The following HBP1 variants were observed in gnomAD, a reference collection of about 807,000 sequenced individuals.
The protein encoded by HBP1 is HMG box-containing protein 1.
HBP1 carries 20 observed loss-of-function variants against 62.6 expected under a neutral mutation model. The observed-to-expected ratio is 0.32, with a 90% CI of 0.22 to 0.46. HBP1 has a LOEUF of 0.46. Among genes scored for constraint, HBP1 ranks in the 20% least tolerant of loss-of-function variants. HBP1 has a pLI of 1.00. For synonymous variants in HBP1, 232 were observed against 206.2 expected (o/e 1.12, Z -1.07); for missense variants, 480 against 611.8 (o/e 0.78, Z 2.27).
At chr7:107,169,903 G>A (rs1796473182) in intron 1 of HBP1, 4 of 985,548 alleles carry the variant, frequency 4.1e-6, no homozygotes, top group Non-Finnish European at 3.6e-6. Context: ...GACCCAAAGA[G>A]GAGGCTTGGC....
In HBP1 at chr7:107,185,933, A is replaced by G. The variant is rs768796359; in HGVS notation, c.531A>G (p.Arg177=). The G allele has an allele frequency of 6.2e-7, 1 of 1,612,644 alleles. No homozygotes were observed. Among genetic ancestry groups the G allele is most frequent in the Non-Finnish European group, 8.5e-7 (1 of 1,178,768 alleles). The change falls in exon 4 of 11, where the codon AGA becomes AGG. Residue 177 remains arginine (R), a synonymous_variant. Coordinates refer to ENST00000222574, the MANE Select transcript of HBP1 (RefSeq NM_012257.4). ...HHHWKEETPV[R]HERANSESES... Reference sequence around the variant, plus strand: ...ATTGGAAGGAGGAAACACCAGTAAGACACGAAAGGGTAAGTTTATTTATGA... The same window carrying G: ...ATTGGAAGGAGGAAACACCAGTAAGGCACGAAAGGGTAAGTTTATTTATGA...
intron 4 of HBP1, 81 bp downstream of exon 4, chr7:107,186,023 C>T (rs1797344117): frequency 1.5e-5 from 15 of 1,031,550 alleles, no homozygotes; most frequent in South Asian, 5.5e-5. Flanking sequence ...AGGAAGTAGT[C>T]TCACTGTTCT....
intron 6 of HBP1, among the ~76,000 whole-genome samples, chr7:107,188,947 T>C (rs1428405587): frequency 2.6e-5 from 4 of 152,202 alleles, no homozygotes; most frequent in South Asian, 2.1e-4. Context: ...CCCAAAGTTA[T>C]TGTTAATTAC....
rs200236873 is a variant in HBP1, at chr7:107,195,890, G to A, written c.1124G>A (p.Arg375His). 1.9e-6 allele frequency: 3 copies of A among 1,600,516 alleles called. No individual in the cohort carries two copies. Among genetic ancestry groups the A allele is most frequent in the African/African-American group, 1.3e-5 (1 of 74,338 alleles). The change falls in exon 9 of 11, where the codon CGC (arginine) becomes CAC (histidine). Residue 375 changes from arginine (R) to histidine (H), a missense_variant. By Grantham distance (29) the Arg-to-His change is conservative. This residue lies in a region of HBP1 where 58 missense variants were observed against 128.5 expected (regional missense o/e 0.45). Coordinates refer to ENST00000222574, the MANE Select transcript of HBP1 (RefSeq NM_012257.4). ...GTTTATGTGTTAAGTAGTATGGCTC[G>A]CCAGCGTCGTGCATCTTTGTCTTGT... ...SAVYVLSSMA[R>H]QRRASLSCGG...
intron 2 of HBP1, among the ~76,000 whole-genome samples, chr7:107,180,852 C>T (rs1007592592): frequency 5.3e-5 from 8 of 152,062 alleles, no homozygotes; most frequent in African/African-American, 1.9e-4. Context: ...GCAAGGAGTG[C>T]CATTTTAATC....
Position 107,190,274 on chromosome 7 carries a change from G to A in HBP1, c.1024G>A (p.Ala342Thr). ...DVCLPPGHPD[A>T]INFDDSGVFD... is the part of the protein sequence containing the mutation. ...ATGTCTACCTCCTGGACACCCCGAT[G>A]CCATTAATTTTGATGATTCAGGTGT... is the stretch of plus-strand genomic sequence containing the variant. Residue 342 changes from alanine (A) to threonine (T), a missense_variant, in exon 8 of 11, where the codon GCC (alanine) becomes ACC (threonine). By Grantham distance (58) the Ala-to-Thr change is moderately conservative. Transcript: ENST00000222574. The A allele has an allele frequency of 6.2e-7, 1 of 1,611,118 alleles. No individual in the cohort carries two copies. The highest frequency in any genetic ancestry group is 1.7e-5 in the Admixed American group (1 of 59,864).
intron 3 of HBP1, 64 bp downstream of exon 3, chr7:107,182,665 A>T: frequency 1.1e-6 from 1 of 894,220 alleles, no homozygotes; most frequent in South Asian, 1.7e-5. Context: ...TTATTTAAAA[A>T]TTTTTCTAGT....
rs777384447 is a variant in HBP1, at chr7:107,185,894, C to T, written c.492C>T (p.Ala164=). Residue 164 remains alanine, a synonymous_variant, in exon 4 of 11, where the codon GCC becomes GCT. Coordinates refer to ENST00000222574, the MANE Select transcript of HBP1 (RefSeq NM_012257.4). ...PVSSSSKSEP[A]FPHHHWKEET... Reference sequence around the variant, plus strand: ...CCTCTTCTTCGAAGAGTGAACCAGCCTTCCCTCATCACCATTGGAAGGAGG... The same window carrying T: ...CCTCTTCTTCGAAGAGTGAACCAGCTTTCCCTCATCACCATTGGAAGGAGG... The T allele has an allele frequency of 1.6e-4, 265 of 1,612,326 alleles. No homozygotes were observed. The highest frequency in any genetic ancestry group is 8.2e-4 in the Middle Eastern group (5 of 6,078).
chr7:107,196,238 C>A (rs1797892715), intron 9 of HBP1, 87 bp downstream of exon 9: 4 of 826,538 alleles, frequency 4.8e-6, no homozygotes, highest in South Asian at 2.8e-5. Flanking sequence ...TAAACTTATT[C>A]TTTAATAGCT....
chr7:107,181,905 A>C (rs1797123507), intron 2 of HBP1, among the ~76,000 whole-genome samples: 1 of 152,134 alleles, frequency 6.6e-6, no homozygotes, highest in Admixed American at 6.5e-5. Flanking sequence ...TATAGGAAAA[A>C]ATAACCGATA....
intron 9 of HBP1, among the ~76,000 whole-genome samples, chr7:107,199,038 GTT>G (rs888965280): frequency 1.3e-5 from 2 of 148,246 alleles, no homozygotes; most frequent in African/African-American, 4.9e-5. Flanking sequence ...AAGACTAAAA[GTT>G]TTTTTTTTAA....
At chr7:107,196,444 A>G in intron 9 of HBP1, 3 of 368,694 alleles carry the variant, frequency 8.1e-6, no homozygotes, top group Non-Finnish European at 1.6e-5. Flanking sequence ...AATTTTTTGT[A>G]TTTTTAGTAG....
At chr7:107,192,143 G>T (rs1013714533) in intron 8 of HBP1, among the ~76,000 whole-genome samples, 1 of 151,836 alleles carries the variant, frequency 6.6e-6, no homozygotes, top group African/African-American at 2.4e-5. Flanking sequence ...GAGCAGTCAC[G>T]TAGGTTTCTT....
At chr7:107,189,597 A>G in intron 7 of HBP1, 149 bp downstream of exon 7, 1 of 604,500 alleles carries the variant, frequency 1.7e-6, no homozygotes, top group Non-Finnish European at 2.9e-6. Context: ...AATGCTTATA[A>G]TAATACCTAA....
At position 107,201,941 on chromosome 7, in the gene HBP1, T is replaced by A. The variant is rs1798350592; in HGVS notation, c.*510T>A. Reference sequence around the variant, plus strand: ...CTGTGCCAAACATAGGCGCTCCTAGTCTGGTCAGTGCCAAGAGGCTACCAG... The same window carrying A: ...CTGTGCCAAACATAGGCGCTCCTAGACTGGTCAGTGCCAAGAGGCTACCAG... On this transcript the variant is annotated 3_prime_UTR_variant, in exon 11 of 11. Coordinates refer to ENST00000222574, the MANE Select transcript of HBP1 (RefSeq NM_012257.4). 6.5e-6 allele frequency: 1 copy of A among 152,854 alleles called. No individual in the cohort carries two copies. Among genetic ancestry groups the A allele is most frequent in the African/African-American group, 2.4e-5 (1 of 41,568 alleles). The allele number at this position is 152,854 out of a possible 1,614,324, so 9.5% of individuals were successfully genotyped here.
chr7:107,181,553 T>C (rs1797108391), intron 2 of HBP1, among the ~76,000 whole-genome samples: 1 of 151,956 alleles, frequency 6.6e-6, no homozygotes, highest in African/African-American at 2.4e-5. Flanking sequence ...ATAGGAGTTA[T>C]ACATACTTTT....
Position 107,169,086 on chromosome 7 carries a change from G to C in HBP1, c.-115G>C. 1 of 1,285,912 alleles carries C rather than the reference G, an allele frequency of 7.8e-7. No homozygotes were observed. Among genetic ancestry groups the C allele is most frequent in the South Asian group, 1.2e-5 (1 of 80,644 alleles). The allele number at this position is 1,285,912 out of a possible 1,614,324, so 79.7% of individuals were successfully genotyped here. ...CTGCCGCGGGAGCAGTAACCCGCGC[G>C]GGGGAGGCCGACGTCGGTCGGAGAG... is the stretch of plus-strand genomic sequence containing the variant. On this transcript the variant is annotated 5_prime_UTR_variant, in exon 1 of 11. Transcript: ENST00000222574.
At chr7:107,186,166 CTTTTTTTTT>C (rs80124304) in intron 4 of HBP1, among the ~76,000 whole-genome samples, 186 bp from the exon 5 acceptor site, 1 of 116,138 alleles carries the variant, frequency 8.6e-6, no homozygotes, top group African/African-American at 3.2e-5. Context: ...CTTTTTTTTT[CTTTTTTTTT>C]TTTTTTTAGC....
At chr7:107,182,025 T>C (rs1337910233) in intron 2 of HBP1, among the ~76,000 whole-genome samples, 1 of 152,200 alleles carries the variant, frequency 6.6e-6, no homozygotes, top group African/African-American at 2.4e-5. Context: ...ATTATCATTA[T>C]GGAAATTATT....
Sources: gnomAD v4.1 joint callset for allele counts (sites outside exome capture counted in the v4.1 genomes callset) on GRCh38, gnomAD v4.1.1 for gene constraint, gnomAD v4.1.1 regional missense constraint, MANE v1.5 for transcripts, NCBI Gene and HGNC (gene_info 2026-07-23, HGNC 2026-07-21) for gene names.